Variants in CYP4X1 observed in about 807,000 individuals in gnomAD.
CYP4X1 encodes cytochrome P450 family 4 subfamily X member 1, also known as cytochrome P450 4X1.
A neutral mutation model predicts 57.9 loss-of-function variants in CYP4X1; 44 were observed. That is an observed-to-expected ratio of 0.76 (90% CI 0.60 to 0.98). The LOEUF is 0.98. Ranked by LOEUF, CYP4X1 falls within the 50% of genes least tolerant of loss-of-function variation. The probability of loss-of-function intolerance (pLI) is 0.00; values close to 1 mark genes in which losing one functional copy is unlikely to be tolerated. For synonymous variants in CYP4X1, 227 were observed against 228.6 expected, an observed-to-expected ratio of 0.99 and a Z score of 0.06; for missense variants, 532 against 623.9, an observed-to-expected ratio of 0.85 and a Z score of 1.57.
At chr1:47,016,657 T>C in the CYP4X1 span, among the ~76,000 whole-genome samples, 1 of 152,198 alleles carries the variant, frequency 6.6e-6, no homozygotes, top group African/African-American at 2.4e-5. Context: ...TATATATCTA[T>C]GGGGTACATG....
At chr1:46,983,049 G>A in the CYP4X1 span, among the ~76,000 whole-genome samples, 1 of 152,214 alleles carries the variant, frequency 6.6e-6, no homozygotes, top group Non-Finnish European at 1.5e-5. Flanking sequence ...GCCCTGCCTG[G>A]GGACACGTGG....
the CYP4X1 span, among the ~76,000 whole-genome samples, chr1:46,983,038 G>A: frequency 6.6e-6 from 1 of 152,224 alleles, no homozygotes; most frequent in Non-Finnish European, 1.5e-5. Flanking sequence ...CAAGCCTGGG[G>A]GCCCTGCCTG....
At chr1:46,974,525 G>T in the CYP4X1 span, among the ~76,000 whole-genome samples, 36 of 152,254 alleles carry the variant, frequency 2.4e-4, no homozygotes, top group East Asian at 6.7e-3. Flanking sequence ...CGGCAGTGGG[G>T]TGTTGAAGTA....
chr1:47,008,515 C>T, the CYP4X1 span, among the ~76,000 whole-genome samples: 1 of 152,206 alleles, frequency 6.6e-6, no homozygotes. Flanking sequence ...ACTGCATCAA[C>T]TAATGAGCAA....
chr1:47,027,975 A>G (rs972556897), intron 1 of CYP4X1, among the ~76,000 whole-genome samples: 3 of 152,208 alleles, frequency 2.0e-5, no homozygotes, highest in Non-Finnish European at 4.4e-5. Flanking sequence ...GTTTGCCACT[A>G]TAAACCTAGT....
intron 8 of CYP4X1, among the ~76,000 whole-genome samples, chr1:47,043,147 A>T (rs1644264303): frequency 6.6e-6 from 1 of 152,116 alleles, no homozygotes; most frequent in Non-Finnish European, 1.5e-5. Flanking sequence ...GATTATGGCC[A>T]TTCTTGCAGG....
At chr1:47,032,064 A>T (rs1644131074) in intron 3 of CYP4X1, among the ~76,000 whole-genome samples, 1 of 152,052 alleles carries the variant, frequency 6.6e-6, no homozygotes, top group Non-Finnish European at 1.5e-5. Flanking sequence ...AACAAAAAAA[A>T]AACTACCCAA....
chr1:47,035,697 C>T (rs1644172270), intron 4 of CYP4X1, 109 bp from the exon 5 acceptor site: 2 of 1,465,664 alleles, frequency 1.4e-6, no homozygotes, highest in Non-Finnish European at 1.8e-6. Flanking sequence ...CCTGCTGGGT[C>T]AGGGTTGTCT....
the CYP4X1 span, among the ~76,000 whole-genome samples, chr1:46,968,682 T>A: frequency 6.6e-6 from 1 of 151,778 alleles, no homozygotes; most frequent in South Asian, 2.1e-4. Context: ...AGGCACTCAG[T>A]GATTGAGTGA....
At chr1:47,032,541 A>G (rs1400564323) in intron 3 of CYP4X1, among the ~76,000 whole-genome samples, 2 of 152,234 alleles carry the variant, frequency 1.3e-5, no homozygotes, top group African/African-American at 4.8e-5. Flanking sequence ...TAAGCATTCA[A>G]TGAATGGTAT....
chr1:47,020,337 T>C (rs551445942), upstream of CYP4X1, among the ~76,000 whole-genome samples: 125 of 152,340 alleles, frequency 8.2e-4, 1 homozygote, highest in African/African-American at 2.9e-3. Context: ...CTCAGGGCAA[T>C]ACATGGCACA....
At chr1:47,031,867 T>C (rs1159180679) in intron 3 of CYP4X1, among the ~76,000 whole-genome samples, 2 of 151,950 alleles carry the variant, frequency 1.3e-5, no homozygotes, top group Non-Finnish European at 2.9e-5. Flanking sequence ...CATGGTGAAA[T>C]CCCATCTCTA....
At chr1:47,016,498 C>T in the CYP4X1 span, among the ~76,000 whole-genome samples, 1 of 152,008 alleles carries the variant, frequency 6.6e-6, no homozygotes, top group African/African-American at 2.4e-5. Context: ...CCCACCACCA[C>T]GCCCAGTTGA....
the CYP4X1 span, among the ~76,000 whole-genome samples, chr1:47,009,322 A>AC: frequency 1.3e-5 from 2 of 151,934 alleles, no homozygotes; most frequent in African/African-American, 4.9e-5. Flanking sequence ...CTGGTACATA[A>AC]AGAAATGAAG....
the CYP4X1 span, chr1:47,001,053 C>A: frequency 4.3e-6 from 1 of 233,312 alleles, no homozygotes; most frequent in South Asian, 8.0e-5. Context: ...TAAGCTCGTT[C>A]ATGGCAAATT....
rs139632189 is a variant in CYP4X1, at chr1:47,027,389, A to G, written c.178-2601A>G. On this transcript the variant is annotated intron_variant, in intron 1 of 11. Transcript: ENST00000371901. ...TTTTATTGCTACATAATAACTACAT[A>G]TTTATGGAGTACCTGTGATATTTTG... is the stretch of plus-strand genomic sequence containing the variant. 7.9e-4 allele frequency among the ~76,000 whole-genome samples: 120 copies of G among 152,252 alleles called. 1 individual carries two copies. Among genetic ancestry groups the G allele is most frequent in the African/African-American group, 2.6e-3 (108 of 41,550 alleles).
chr1:47,050,914 C>G (rs1275812457), downstream of CYP4X1, among the ~76,000 whole-genome samples: 2 of 152,140 alleles, frequency 1.3e-5, no homozygotes, highest in Non-Finnish European at 2.9e-5. Flanking sequence ...AGCTTCTGCA[C>G]AGCAAAACAA....
intron 6 of CYP4X1, among the ~76,000 whole-genome samples, chr1:47,037,985 G>T (rs1267333096): frequency 2.0e-5 from 3 of 152,060 alleles, no homozygotes; most frequent in Non-Finnish European, 4.4e-5. Context: ...TATCTGTTTT[G>T]GATAAGAGTA....
At chr1:47,018,312 C>A in the CYP4X1 span, among the ~76,000 whole-genome samples, 4 of 152,100 alleles carry the variant, frequency 2.6e-5, no homozygotes, top group Non-Finnish European at 5.9e-5. Context: ...GCTTTTGTTA[C>A]GTTCCAGCCT....
Sources: allele counts gnomAD v4.1 joint callset (sites outside exome capture counted in the v4.1 genomes callset), GRCh38; gene constraint gnomAD v4.1.1; transcripts MANE v1.5; gene names NCBI Gene and HGNC (gene_info 2026-07-23, HGNC 2026-07-21).